Variants in NSFL1C observed in about 807,000 individuals in gnomAD.
NSFL1C encodes the protein NSFL1 cofactor, also known as NSFL1 cofactor p47.
Under a neutral mutation model 43.1 loss-of-function variants are expected in NSFL1C, and 14 were observed. The ratio of observed to expected loss-of-function variants is 0.32; its 90% CI spans 0.21 to 0.51. NSFL1C has a LOEUF of 0.51. Among genes scored for constraint, NSFL1C ranks in the 20% least tolerant of loss-of-function variants. NSFL1C has a pLI of 0.98. For synonymous variants in NSFL1C, 171 were observed against 183.5 expected, an observed-to-expected ratio of 0.93 and a Z score of 0.55; for missense variants, 406 against 472.5, an observed-to-expected ratio of 0.86 and a Z score of 1.30.
At position 1,445,677 on chromosome 20, in the gene NSFL1C, G is replaced by T; in HGVS notation, c.939C>A (p.Asn313Lys). ...ADGGRLVQKF[N>K]HSHRISDIRL... Reference sequence around the variant, plus strand: ...ACAATGCAAGGTACCTGTGGCTGTGGTTAAATTTCTGCACCAGCCTCCCGC... The same window carrying T: ...ACAATGCAAGGTACCTGTGGCTGTGTTTAAATTTCTGCACCAGCCTCCCGC... Residue 313 changes from asparagine to lysine, a missense_variant, in exon 8 of 9, where the codon AAC (asparagine) becomes AAA (lysine). Coordinates refer to ENST00000216879, the MANE Select transcript of NSFL1C (RefSeq NM_016143.5). 1 of 1,612,624 alleles carries T rather than the reference G, an allele frequency of 6.2e-7. No individual in the cohort carries two copies. The highest frequency in any genetic ancestry group is 8.5e-7 in the Non-Finnish European group (1 of 1,179,884).
intron 2 of NSFL1C, among the ~76,000 whole-genome samples, chr20:1,459,164 T>C (rs1031545865): frequency 2.6e-5 from 4 of 152,184 alleles, no homozygotes; most frequent in Admixed American, 6.5e-5. Context: ...ATGGTTTGGC[T>C]CTGTGTCCCC....
rs201460274 is a variant in NSFL1C, at chr20:1,443,921, T to A, written c.951-10A>T. The A allele has an allele frequency of 7.1e-5, 114 of 1,607,148 alleles. 2 individuals carry two copies. In the Middle Eastern group the frequency reaches 1.6e-3, roughly 22 times the overall value. On this transcript the variant is annotated splice_polypyrimidine_tract_variant and intron_variant, in intron 8 of 8. Coordinates refer to ENST00000216879, the MANE Select transcript of NSFL1C (RefSeq NM_016143.5). ...TCGGATGTCGCTGATCCTGCAGGAG[T>A]TGGGGAAGCGGTGAGCAGTGCCATC... is the stretch of plus-strand genomic sequence containing the variant.
At chr20:1,458,131 C>T (rs2090339539) in intron 3 of NSFL1C, 69 bp downstream of exon 3, 1 of 1,209,016 alleles carries the variant, frequency 8.3e-7, no homozygotes. Context: ...AGGTCCTGTT[C>T]TAGGTGATTT....
intron 2 of NSFL1C, among the ~76,000 whole-genome samples, chr20:1,463,616 A>C (rs921815377): frequency 5.9e-5 from 9 of 152,226 alleles, no homozygotes; most frequent in Non-Finnish European, 1.0e-4. Context: ...AACCCAAATA[A>C]AATTTCCTGG....
At chr20:1,459,717 C>T (rs139285067) in intron 2 of NSFL1C, among the ~76,000 whole-genome samples, 4 of 152,176 alleles carry the variant, frequency 2.6e-5, no homozygotes, top group East Asian at 1.9e-4. Context: ...AACAGTCTGC[C>T]GGGCATTCCT....
intron 2 of NSFL1C, among the ~76,000 whole-genome samples, chr20:1,463,126 C>T (rs1242747899): frequency 6.6e-6 from 1 of 152,130 alleles, no homozygotes; most frequent in African/African-American, 2.4e-5. Flanking sequence ...TGGGCCCATG[C>T]TAATAAACCA....
chr20:1,458,260 G>A lies in NSFL1C; in HGVS notation c.218C>T (p.Thr73Ile). The A allele has an allele frequency of 6.2e-7, 1 of 1,613,658 alleles. No homozygotes were observed. Among genetic ancestry groups the A allele is most frequent in the Non-Finnish European group, 8.5e-7 (1 of 1,179,640 alleles). ...GTCATGAATGAGGTCTCTGAAGGAT[G>A]TCACTCTATTATCACTGGAGACACA... ...RGTAPSDNRV[T>I]SFRDLIHDQD... The change falls in exon 3 of 9, where the codon ACA (threonine) becomes ATA (isoleucine). Residue 73 changes from threonine (T) to isoleucine (I), a missense_variant. Physicochemically the swap from Thr to Ile is moderately conservative, Grantham distance 89. Around this residue, in one of 3 missense-constraint regions of NSFL1C, gnomAD observed 203 missense variants for 216.3 expected, o/e 0.94. Transcript: ENST00000216879.
intron 7 of NSFL1C, among the ~76,000 whole-genome samples, chr20:1,446,876 C>T (rs551446516): frequency 6.6e-6 from 1 of 151,662 alleles, no homozygotes; most frequent in South Asian, 2.1e-4. Flanking sequence ...ACTCTTCCCC[C>T]TTCACAGCCC....
chr20:1,460,200 G>A (rs533542902), intron 2 of NSFL1C, among the ~76,000 whole-genome samples: 3 of 152,346 alleles, frequency 2.0e-5, no homozygotes, highest in Admixed American at 1.3e-4. Context: ...TGCACGGAAA[G>A]TCTTTTGCAT....
intron 2 of NSFL1C, among the ~76,000 whole-genome samples, chr20:1,460,383 C>G (rs549737513): frequency 6.6e-6 from 1 of 152,268 alleles, no homozygotes; most frequent in African/African-American, 2.4e-5. Context: ...CCTTAAGGAG[C>G]CCCTGAGGTA....
At chr20:1,446,535 G>T (rs959512587) in intron 7 of NSFL1C, among the ~76,000 whole-genome samples, 6 of 152,294 alleles carry the variant, frequency 3.9e-5, no homozygotes, top group Non-Finnish European at 8.8e-5. Flanking sequence ...ATGGACCAGG[G>T]TTTGAATTAC....
chr20:1,453,244 A>G, intron 5 of NSFL1C, 104 bp from the exon 6 acceptor site: 1 of 709,804 alleles, frequency 1.4e-6, no homozygotes, highest in Non-Finnish European at 2.6e-6. Context: ...GCTACTATTA[A>G]AACACACATA....
Position 1,452,532 on chromosome 20 carries a change from G to C in NSFL1C, c.746C>G (p.Ala249Gly). 1.2e-6 allele frequency: 2 copies of C among 1,614,182 alleles called. No individual in the cohort carries two copies. The highest frequency in any genetic ancestry group is 1.7e-6 in the Non-Finnish European group (2 of 1,180,022). The change falls in exon 7 of 9, where the codon GCC (alanine) becomes GGC (glycine). Residue 249 changes from alanine to glycine, a missense_variant. Ala to Gly is a moderately conservative substitution (Grantham distance 60). Coordinates refer to ENST00000216879, the MANE Select transcript of NSFL1C (RefSeq NM_016143.5). ...ACCCTCGCCAGTGAAGGCTTTGAAGGCTCCTTTGGGCTTCACAAAGTCCTC... is the reference window on the plus strand; with the variant it reads ...ACCCTCGCCAGTGAAGGCTTTGAAGCCTCCTTTGGGCTTCACAAAGTCCTC... ...RDEDFVKPKGAFKAFTGEGQK... is the reference protein window; with the variant it reads ...RDEDFVKPKGGFKAFTGEGQK...
chr20:1,461,493 T>C (rs1008384000), intron 2 of NSFL1C, among the ~76,000 whole-genome samples: 10 of 151,976 alleles, frequency 6.6e-5, no homozygotes, highest in Non-Finnish European at 1.5e-4. Flanking sequence ...GAACCAAAAA[T>C]AAGGAAGAAT....
At chr20:1,455,648 G>T in intron 3 of NSFL1C, 1 of 779,586 alleles carries the variant, frequency 1.3e-6, no homozygotes, top group Non-Finnish European at 2.4e-6. Flanking sequence ...GTAAGCCAGT[G>T]CACTACTCTG....
intron 3 of NSFL1C, chr20:1,455,613 T>G (rs1296563504): frequency 2.6e-6 from 2 of 777,140 alleles, no homozygotes; most frequent in East Asian, 2.4e-5. Context: ...GGCTCCAGTC[T>G]TGGCTCTGCC....
intron 2 of NSFL1C, among the ~76,000 whole-genome samples, chr20:1,458,866 A>G (rs140899497): frequency 2.6e-5 from 4 of 152,114 alleles, no homozygotes; most frequent in Admixed American, 2.0e-4. Flanking sequence ...CACTGGAGGA[A>G]AAGCAAGCTC....
intron 1 of NSFL1C, among the ~76,000 whole-genome samples, chr20:1,465,404 T>C (rs1487159699): frequency 6.6e-6 from 1 of 152,202 alleles, no homozygotes; most frequent in African/African-American, 2.4e-5. Context: ...ACATGCATGA[T>C]CCTCAGTTTC....
In NSFL1C at chr20:1,447,789, G is replaced by A. The variant is rs933042401; in HGVS notation, c.786-1959C>T. On this transcript the variant is annotated intron_variant, in intron 7 of 8. Transcript: ENST00000216879. ...AAGGGGGTGGGGAGCAGAAAAAACA[G>A]GAGTGACATTTACACCGACTCTGTG... Among the ~76,000 whole-genome samples the A allele has an allele frequency of 2.1e-5, 3 of 142,546 alleles. No individual in the cohort carries two copies. In the Admixed American group the frequency reaches 2.2e-4, roughly 11 times the overall value. 93.5% of individuals were successfully genotyped at this position (142,546 alleles called of 152,430 possible).
Sources: gnomAD v4.1 joint callset for allele counts (sites outside exome capture counted in the v4.1 genomes callset) on GRCh38, gnomAD v4.1.1 for gene constraint, gnomAD v4.1.1 regional missense constraint, MANE v1.5 for transcripts, NCBI Gene and HGNC (gene_info 2026-07-23, HGNC 2026-07-21) for gene names.